The following FHIT variants were observed in gnomAD, a reference collection of about 807,000 sequenced individuals.
The protein encoded by FHIT is fragile histidine triad diadenosine triphosphatase.
Under a neutral mutation model 17.9 loss-of-function variants are expected in FHIT, and 19 were observed. That is an observed-to-expected ratio of 1.06 (90% CI 0.74 to 1.56). The LOEUF (loss-of-function observed/expected upper bound fraction) is 1.56. Ranked by LOEUF, FHIT falls within the 40% of genes most tolerant of loss-of-function variation. The probability of loss-of-function intolerance (pLI) is 0.00; values close to 1 mark genes in which losing one functional copy is unlikely to be tolerated. For synonymous variants in FHIT, 81 were observed against 69.7 expected, an observed-to-expected ratio of 1.16 and a Z score of -0.81; for missense variants, 248 against 189.2, an observed-to-expected ratio of 1.31 and a Z score of -1.82.
intron 5 of FHIT, among the ~76,000 whole-genome samples, chr3:60,235,453 A>G (rs936839377): frequency 6.6e-6 from 1 of 152,070 alleles, no homozygotes; most frequent in Admixed American, 6.5e-5. Context: ...GCTGGTCTCG[A>G]ACTCCTGACC....
Position 60,030,058 on chromosome 3 carries a change from T to C in FHIT, c.104-15906A>G, listed in dbSNP as rs79676706. ...CTAGCTCTATTTGTCAGGGTTTTGT[T>C]TGTGACTCCATTTGATTCTGACAAC... On this transcript the variant is annotated intron_variant, in intron 5 of 9. Transcript: ENST00000492590. Among the ~76,000 whole-genome samples, 1,118 of 152,174 alleles carry C rather than the reference T, an allele frequency of 7.3e-3. 12 individuals carry two copies. The highest frequency in any genetic ancestry group is 0.024 in the African/African-American group (997 of 41,506).
At chr3:60,618,358 T>C (rs1464759001) in intron 4 of FHIT, among the ~76,000 whole-genome samples, 1 of 152,140 alleles carries the variant, frequency 6.6e-6, no homozygotes, top group African/African-American at 2.4e-5. Flanking sequence ...CCATGGTGAT[T>C]TGCTACACAG....
intron 4 of FHIT, among the ~76,000 whole-genome samples, chr3:60,539,520 A>G (rs907064023): frequency 6.6e-6 from 1 of 152,246 alleles, no homozygotes; most frequent in Non-Finnish European, 1.5e-5. Context: ...ACTATTCACA[A>G]TAGCAAAGAC....
At chr3:60,511,348 T>C (rs990621388) in intron 5 of FHIT, among the ~76,000 whole-genome samples, 4 of 152,148 alleles carry the variant, frequency 2.6e-5, no homozygotes, top group Admixed American at 6.5e-5. Flanking sequence ...CCCTTCAGAA[T>C]GTCTCCTTCT....
intron 5 of FHIT, among the ~76,000 whole-genome samples, chr3:60,271,957 C>T (rs1706887225): frequency 6.6e-6 from 1 of 152,170 alleles, no homozygotes; most frequent in African/African-American, 2.4e-5. Context: ...TCATTAAACC[C>T]TCACAACAAC....
At chr3:60,140,575 ATTTTTT>A (rs10540921) in intron 5 of FHIT, among the ~76,000 whole-genome samples, 7 of 129,012 alleles carry the variant, frequency 5.4e-5, no homozygotes, top group Admixed American at 1.6e-4. Context: ...CACAGACTCT[ATTTTTT>A]TTTTTTTTTT....
chr3:60,647,431 T>G (rs2039886802), intron 4 of FHIT, among the ~76,000 whole-genome samples: 1 of 152,116 alleles, frequency 6.6e-6, no homozygotes, highest in Non-Finnish European at 1.5e-5. Flanking sequence ...AAGTGAGATT[T>G]AGAGAGGTGA....
At chr3:60,228,074 C>G (rs771058300) in intron 5 of FHIT, among the ~76,000 whole-genome samples, 4 of 152,090 alleles carry the variant, frequency 2.6e-5, no homozygotes, top group Non-Finnish European at 4.4e-5. Flanking sequence ...AACAGATGAC[C>G]CTATCACTCC....
At chr3:60,776,469 G>C (rs1417416911) in intron 4 of FHIT, among the ~76,000 whole-genome samples, 1 of 152,164 alleles carries the variant, frequency 6.6e-6, no homozygotes, top group Non-Finnish European at 1.5e-5. Flanking sequence ...GTCAAATGCA[G>C]GTATTATCAA....
chr3:61,158,181 A>C (rs2037584166), intron 2 of FHIT, among the ~76,000 whole-genome samples: 1 of 152,218 alleles, frequency 6.6e-6, no homozygotes, highest in South Asian at 2.1e-4. Context: ...ACTGTGACAC[A>C]GTAGGTGCCA....
chr3:59,824,323 A>G (rs1700901304), intron 8 of FHIT, among the ~76,000 whole-genome samples: 1 of 152,200 alleles, frequency 6.6e-6, no homozygotes, highest in Admixed American at 6.5e-5. Context: ...ACTAGAAACT[A>G]ATTAGATGGT....
intron 2 of FHIT, among the ~76,000 whole-genome samples, chr3:61,099,387 T>C (rs1255839931): frequency 6.6e-6 from 1 of 151,946 alleles, no homozygotes; most frequent in African/African-American, 2.4e-5. Context: ...TTTTTTTTTG[T>C]TGTATCTCTG....
intron 5 of FHIT, among the ~76,000 whole-genome samples, chr3:60,493,487 G>C (rs1208205898): frequency 6.6e-6 from 1 of 152,122 alleles, no homozygotes; most frequent in Non-Finnish European, 1.5e-5. Flanking sequence ...TTATCAACAA[G>C]CAATAGTCCC....
At chr3:59,959,316 T>C (rs879544644) in intron 7 of FHIT, among the ~76,000 whole-genome samples, 14 of 151,276 alleles carry the variant, frequency 9.3e-5, no homozygotes, top group Non-Finnish European at 1.9e-4. Context: ...GACAAGATAC[T>C]AAGAAGAGAG....
At chr3:59,814,039 T>TACACACACAC (rs769333983) in intron 8 of FHIT, among the ~76,000 whole-genome samples, 2 of 72,930 alleles carry the variant, frequency 2.7e-5, no homozygotes, top group Non-Finnish European at 2.8e-5. Flanking sequence ...TAAAAAAATT[T>TACACACACAC]ACACATACAC....
At chr3:59,952,859 T>C (rs930420440) in intron 7 of FHIT, among the ~76,000 whole-genome samples, 2 of 152,102 alleles carry the variant, frequency 1.3e-5, no homozygotes, top group African/African-American at 4.8e-5. Flanking sequence ...ATGCTCCCCT[T>C]GTGGACAGCT....
Position 59,749,476 on chromosome 3 carries a change from CTGCA to C in FHIT, c.*105_*108del. The C allele has an allele frequency of 4.3e-6, 1 of 230,350 alleles. No individual in the cohort carries two copies. 14.3% of individuals were successfully genotyped at this position (230,350 alleles called of 1,614,324 possible). On this transcript the variant is annotated 3_prime_UTR_variant, in exon 10 of 10. Transcript: ENST00000492590. Reference sequence around the variant, plus strand: ...AATACAGGATGGTGAGATGAAGAAACTGCATTTTCATGCTGATTCAGTTCCTCTT... The same window carrying C: ...AATACAGGATGGTGAGATGAAGAAACTTTTCATGCTGATTCAGTTCCTCTT...
At chr3:60,944,188 A>G (rs1708543906) in intron 3 of FHIT, among the ~76,000 whole-genome samples, 1 of 152,200 alleles carries the variant, frequency 6.6e-6, no homozygotes, top group South Asian at 2.1e-4. Flanking sequence ...CTCAAACTGA[A>G]CCCAAAGGCA....
chr3:61,184,303 C>A (rs2038437110), intron 2 of FHIT, among the ~76,000 whole-genome samples: 1 of 151,994 alleles, frequency 6.6e-6, no homozygotes, highest in African/African-American at 2.4e-5. Flanking sequence ...CTGAATGGCC[C>A]CTTAGACCCC....
Sources: allele counts gnomAD v4.1 joint callset (sites outside exome capture counted in the v4.1 genomes callset), GRCh38; gene constraint gnomAD v4.1.1; transcripts MANE v1.5; gene names NCBI Gene and HGNC (gene_info 2026-07-23, HGNC 2026-07-21).